The following PAX5 variants were observed in gnomAD, a reference collection of about 807,000 sequenced individuals.
The protein encoded by PAX5 is paired box protein Pax-5.
Under a neutral mutation model 43.7 loss-of-function variants are expected in PAX5, and 9 were observed. The ratio of observed to expected loss-of-function variants is 0.21; its 90% confidence interval spans 0.12 to 0.36. The LOEUF is 0.36. Among genes scored for constraint, PAX5 ranks in the 10% least tolerant of loss-of-function variants. PAX5 has a pLI of 1.00. For synonymous variants in PAX5, 228 were observed against 214.3 expected (o/e 1.06, Z -0.56); for missense variants, 383 against 532.7 (o/e 0.72, Z 2.77).
intron 7 of PAX5, among the ~76,000 whole-genome samples, chr9:36,902,616 A>G (rs1169991339): frequency 6.6e-6 from 1 of 152,190 alleles, no homozygotes; most frequent in African/African-American, 2.4e-5. Flanking sequence ...AGGCTGCAGG[A>G]TCCGAGTGGG....
intron 7 of PAX5, among the ~76,000 whole-genome samples, chr9:36,887,262 G>T (rs1826982278): frequency 6.6e-6 from 1 of 152,090 alleles, no homozygotes; most frequent in Non-Finnish European, 1.5e-5. Context: ...AAAAACCAAT[G>T]GAATAGAATG....
intron 7 of PAX5, among the ~76,000 whole-genome samples, chr9:36,921,833 C>T (rs988244843): frequency 2.0e-5 from 3 of 152,184 alleles, no homozygotes; most frequent in East Asian, 1.9e-4. Flanking sequence ...GGCAAGCCAC[C>T]GCCCCTCCCT....
chr9:36,904,293 T>TATCCTACAC (rs1227053104), intron 7 of PAX5, among the ~76,000 whole-genome samples: 1 of 152,098 alleles, frequency 6.6e-6, no homozygotes. Context: ...CCTAGTCCCC[T>TATCCTACAC]ATCCTACACA....
chr9:36,835,687 G>C lies in PAX5; in HGVS notation c.*4873C>G. ...TGTACTTGCCTCGGACCTCTCCGAG[G>C]CCAAAAGAACGAAAGAAATAGTTTC... is the stretch of plus-strand genomic sequence containing the variant. On this transcript the variant is annotated 3_prime_UTR_variant, in exon 10 of 10. Coordinates refer to ENST00000358127, the MANE Select transcript of PAX5 (RefSeq NM_016734.3). The C allele has an allele frequency of 8.6e-6, 2 of 233,258 alleles. No homozygotes were observed. The highest frequency in any genetic ancestry group is 1.7e-5 in the Non-Finnish European group (2 of 118,038). 14.4% of individuals were successfully genotyped at this position (233,258 alleles called of 1,614,324 possible). A position where few individuals can be genotyped will look rare whatever the true frequency, so the allele number is the denominator to read the frequency against.
intron 7 of PAX5, among the ~76,000 whole-genome samples, chr9:36,888,587 G>A (rs73453255): frequency 2.0e-5 from 3 of 152,148 alleles, no homozygotes; most frequent in African/African-American, 4.8e-5. Context: ...ACCGACAAAA[G>A]GTAGATTCGT....
At chr9:36,865,635 C>T (rs1410224404) in intron 8 of PAX5, among the ~76,000 whole-genome samples, 1 of 152,150 alleles carries the variant, frequency 6.6e-6, no homozygotes, top group Non-Finnish European at 1.5e-5. Context: ...TCAGGAGACC[C>T]CACACGGCCA....
chr9:36,989,925 G>T (rs1352221213), intron 5 of PAX5, among the ~76,000 whole-genome samples: 3 of 152,212 alleles, frequency 2.0e-5, no homozygotes, highest in Non-Finnish European at 4.4e-5. Context: ...CCTTCATGGA[G>T]CTCACAGTCT....
chr9:36,967,273 A>G (rs1157504239), intron 5 of PAX5, among the ~76,000 whole-genome samples: 1 of 152,230 alleles, frequency 6.6e-6, no homozygotes, highest in African/African-American at 2.4e-5. Flanking sequence ...AAGTGGTAAC[A>G]ACACCTGTGC....
chr9:36,938,058 T>C (rs1018788147), intron 6 of PAX5, among the ~76,000 whole-genome samples: 2 of 152,204 alleles, frequency 1.3e-5, no homozygotes, highest in African/African-American at 4.8e-5. Flanking sequence ...GATTTAGCTA[T>C]GATGTGTAAG....
intron 6 of PAX5, among the ~76,000 whole-genome samples, chr9:36,942,511 G>A (rs1236010986): frequency 6.6e-6 from 1 of 152,184 alleles, no homozygotes; most frequent in African/African-American, 2.4e-5. Context: ...TACACACAGA[G>A]TCCCCCTCCA....
chr9:36,878,043 A>G (rs1193431171), intron 8 of PAX5, among the ~76,000 whole-genome samples: 1 of 152,154 alleles, frequency 6.6e-6, no homozygotes, highest in Non-Finnish European at 1.5e-5. Flanking sequence ...ACGAACCACA[A>G]AACCTGGAGG....
At chr9:36,940,864 G>A (rs72735631) in intron 6 of PAX5, among the ~76,000 whole-genome samples, 2,671 of 152,194 alleles carry the variant, frequency 0.018, 28 homozygotes, top group Non-Finnish European at 0.027. Context: ...GCAGGTACTC[G>A]GAAAATATCC....
chr9:36,959,409 C>A (rs1432470927), intron 6 of PAX5, among the ~76,000 whole-genome samples: 4 of 152,362 alleles, frequency 2.6e-5, no homozygotes, highest in Middle Eastern at 6.8e-3. Context: ...AGCCTGTCTT[C>A]TTCCTTGCCC....
At chr9:37,009,365 A>G (rs1287845907) in intron 3 of PAX5, among the ~76,000 whole-genome samples, 1 of 152,204 alleles carries the variant, frequency 6.6e-6, no homozygotes, top group Non-Finnish European at 1.5e-5. Context: ...AATCATTTCT[A>G]TCTCATAGGA....
chr9:36,896,438 G>A (rs1446174831), intron 7 of PAX5, among the ~76,000 whole-genome samples: 1 of 151,990 alleles, frequency 6.6e-6, no homozygotes. Context: ...CAGGTGCACT[G>A]CTCGCCAAGG....
chr9:36,857,797 G>A (rs1468223043), intron 8 of PAX5, among the ~76,000 whole-genome samples: 2 of 152,220 alleles, frequency 1.3e-5, no homozygotes, highest in Non-Finnish European at 2.9e-5. Context: ...ACAAAGACAC[G>A]ACTGTCCTTG....
At chr9:36,919,311 C>T (rs542650119) in intron 7 of PAX5, among the ~76,000 whole-genome samples, 1 of 152,306 alleles carries the variant, frequency 6.6e-6, no homozygotes, top group Admixed American at 6.5e-5. Context: ...TGCACCTGGT[C>T]ACCCAAGAGC....
chr9:36,878,889 CT>C (rs1190489507), intron 8 of PAX5, among the ~76,000 whole-genome samples: 1 of 152,112 alleles, frequency 6.6e-6, no homozygotes, highest in East Asian at 1.9e-4. Context: ...AGGCATGGCA[CT>C]GAATAAATGC....
chr9:36,874,002 G>A (rs926522763), intron 8 of PAX5, among the ~76,000 whole-genome samples: 2 of 152,180 alleles, frequency 1.3e-5, no homozygotes, highest in African/African-American at 4.8e-5. Flanking sequence ...CTGGTACTGC[G>A]GCCCCCACCC....
Sources: gnomAD v4.1 joint callset for allele counts (sites outside exome capture counted in the v4.1 genomes callset) on GRCh38, gnomAD v4.1.1 for gene constraint, MANE v1.5 for transcripts, NCBI Gene and HGNC (gene_info 2026-07-23, HGNC 2026-07-21) for gene names.